MYO5B: variants seen among roughly 807,000 people sequenced by gnomAD.
MYO5B encodes the protein unconventional myosin-Vb.
Under a neutral mutation model 229.3 loss-of-function variants are expected in MYO5B, and 143 were observed. The ratio of observed to expected loss-of-function variants is 0.62; its 90% CI spans 0.54 to 0.72. MYO5B has a LOEUF of 0.72. Among genes scored for constraint, MYO5B ranks in the 30% least tolerant of loss-of-function variants. The pLI is 0.00. For missense variants in MYO5B, 2,321 were observed against 2,331.0 expected, an observed-to-expected ratio of 1.00 and a Z score of 0.09; for synonymous variants, 918 against 885.2, an observed-to-expected ratio of 1.04 and a Z score of -0.66.
intron 39 of MYO5B, among the ~76,000 whole-genome samples, chr18:49,829,205 A>G (rs1275131989): frequency 6.6e-6 from 1 of 151,978 alleles, no homozygotes; most frequent in Non-Finnish European, 1.5e-5. Context: ...CAGCCCCCCA[A>G]GTAGCTGGGA....
intron 18 of MYO5B, among the ~76,000 whole-genome samples, chr18:49,907,380 G>T (rs1280202994): frequency 1.3e-5 from 2 of 152,204 alleles, no homozygotes; most frequent in Non-Finnish European, 2.9e-5. Flanking sequence ...TTTTGGACCT[G>T]TAATTACTGT....
chr18:50,084,025 C>T (rs868260887), intron 1 of MYO5B, among the ~76,000 whole-genome samples: 15 of 152,152 alleles, frequency 9.9e-5, no homozygotes, highest in African/African-American at 3.6e-4. Context: ...CTCCCTGTGC[C>T]TCAGTTTATC....
chr18:50,028,067 G>A lies in MYO5B; in HGVS notation c.455+8783C>T, dbSNP rs548179692. ...AACACAAGAAAACTTTCAGGATTAA[G>A]GAAATGTTTGCTATCTTGATTGTGG... On this transcript the variant is annotated intron_variant, in intron 4 of 39. Coordinates refer to ENST00000285039, the MANE Select transcript of MYO5B (RefSeq NM_001080467.3). 2.0e-5 allele frequency among the ~76,000 whole-genome samples: 3 copies of A among 152,160 alleles called. No individual in the cohort carries two copies. The East Asian group carries it at 5.8e-4, about 29-fold the overall frequency.
rs1341011873 is a variant in MYO5B, at chr18:49,937,123, T to G, written c.1905+122A>C. 5.9e-6 allele frequency: 7 copies of G among 1,188,066 alleles called. No individual in the cohort carries two copies. In the East Asian group the frequency reaches 1.6e-4, roughly 28 times the overall value. 73.6% of individuals were successfully genotyped at this position (1,188,066 alleles called of 1,614,324 possible). On this transcript the variant is annotated intron_variant, in intron 15 of 39. Coordinates refer to ENST00000285039, the MANE Select transcript of MYO5B (RefSeq NM_001080467.3). ...AGGACACAAGATAGAGCTGGATGGC[T>G]GAGGCTACTGATGTCAAGGCTGCTG...
intron 4 of MYO5B, among the ~76,000 whole-genome samples, chr18:50,011,656 G>A (rs1028504105): frequency 2.0e-5 from 3 of 151,888 alleles, no homozygotes; most frequent in South Asian, 2.1e-4. Context: ...CAAGCTGGCT[G>A]TATTGCTTTG....
At chr18:49,837,457 C>T in intron 37 of MYO5B, 60 bp downstream of exon 37, 3 of 1,589,274 alleles carry the variant, frequency 1.9e-6, no homozygotes, top group Non-Finnish European at 2.6e-6. Context: ...TGTTCTGATT[C>T]TAGCTGCAGT....
At chr18:49,926,046 G>T (rs80317083) in intron 17 of MYO5B, among the ~76,000 whole-genome samples, 6,175 of 152,244 alleles carry the variant, frequency 0.041, 313 homozygotes, top group East Asian at 0.12. Context: ...GTCAAAAAAT[G>T]AGAGGCAGGC....
chr18:49,928,738 T>C (rs1183834497), intron 17 of MYO5B, among the ~76,000 whole-genome samples: 2 of 152,158 alleles, frequency 1.3e-5, no homozygotes, highest in Non-Finnish European at 1.5e-5. Flanking sequence ...GCCCAGTCAA[T>C]GAGTGGATAA....
chr18:50,027,900 C>T (rs2026348097), intron 4 of MYO5B, among the ~76,000 whole-genome samples: 1 of 152,118 alleles, frequency 6.6e-6, no homozygotes, highest in South Asian at 2.1e-4. Context: ...TAGAATCCTG[C>T]TCAGCATACC....
chr18:49,849,639 T>C lies in MYO5B; in HGVS notation c.4243A>G (p.Lys1415Glu). The C allele has an allele frequency of 1.2e-6, 2 of 1,613,886 alleles. No homozygotes were observed. Among genetic ancestry groups the C allele is most frequent in the Non-Finnish European group, 8.5e-7 (1 of 1,179,828 alleles). ...ENLDLKELVE[K>E]LEKNERKLKK... ...AGCTTCCTCTCATTCTTTTCCAGCT[T>C]TTCTACCAGTTCTTTAAGGTCCTGG... The change falls in exon 32 of 40, where the codon AAG becomes GAG. Residue 1415 changes from lysine (K) to glutamate (E), a missense_variant. Coordinates refer to ENST00000285039, the MANE Select transcript of MYO5B (RefSeq NM_001080467.3).
chr18:50,031,714 C>A (rs561623759), intron 4 of MYO5B, among the ~76,000 whole-genome samples: 1 of 152,328 alleles, frequency 6.6e-6, no homozygotes, highest in Non-Finnish European at 1.5e-5. Context: ...CAGGACCCAA[C>A]AGAGAAAAAT....
chr18:50,152,645 A>G (rs1164604353), intron 1 of MYO5B, among the ~76,000 whole-genome samples: 1 of 152,180 alleles, frequency 6.6e-6, no homozygotes, highest in Admixed American at 6.5e-5. Flanking sequence ...TAATCAATTC[A>G]TACAGCCACT....
chr18:50,026,991 T>C (rs1401247665), intron 4 of MYO5B, among the ~76,000 whole-genome samples: 1 of 152,184 alleles, frequency 6.6e-6, no homozygotes, highest in Admixed American at 6.5e-5. Flanking sequence ...CTTCCCAGCA[T>C]GTTCCTTTGC....
intron 28 of MYO5B, 83 bp downstream of exon 28, chr18:49,864,058 T>A: frequency 6.3e-7 from 1 of 1,574,986 alleles, no homozygotes; most frequent in East Asian, 2.3e-5. Context: ...TAGACCCTCG[T>A]GGGTAAAGAT....
At chr18:49,939,199 G>A (rs1326433069) in intron 14 of MYO5B, among the ~76,000 whole-genome samples, 2 of 139,352 alleles carry the variant, frequency 1.4e-5, no homozygotes, top group Admixed American at 7.8e-5. Context: ...AGGCTGGAGT[G>A]CAGTGGCGCA....
In MYO5B at chr18:50,033,050, TA is replaced by T. The variant is rs566475803; in HGVS notation, c.455+3799del. Among the ~76,000 whole-genome samples the T allele has an allele frequency of 1.6e-4, 24 of 152,238 alleles. No homozygotes were observed. In the South Asian group the frequency reaches 2.7e-3, roughly 17 times the overall value. ...ACCTAAGAATGGAATTGCTGGGTCATAGGGGGATTTTTGTTTTACTTTTCAA... is the reference window on the plus strand; with the variant it reads ...ACCTAAGAATGGAATTGCTGGGTCATGGGGGATTTTTGTTTTACTTTTCAA... On this transcript the variant is annotated intron_variant, in intron 4 of 39. Transcript: ENST00000285039.
chr18:49,877,331 GT>G (rs765751641), intron 25 of MYO5B, among the ~76,000 whole-genome samples: 4 of 152,156 alleles, frequency 2.6e-5, no homozygotes, highest in Non-Finnish European at 5.9e-5. Flanking sequence ...GTTGTTCTGA[GT>G]TTTATCCAGC....
intron 1 of MYO5B, among the ~76,000 whole-genome samples, chr18:50,187,864 G>A (rs1041587073): frequency 6.6e-6 from 1 of 152,104 alleles, no homozygotes; most frequent in Non-Finnish European, 1.5e-5. Context: ...AAAAAACTGA[G>A]CAACTGTCAC....
At chr18:49,912,392 A>G (rs2024968273) in intron 17 of MYO5B, among the ~76,000 whole-genome samples, 2 of 152,184 alleles carry the variant, frequency 1.3e-5, no homozygotes, top group African/African-American at 2.4e-5. Flanking sequence ...GAGGGCTGGA[A>G]AAAAGGTGAG....
Sources: allele counts gnomAD v4.1 joint callset (sites outside exome capture counted in the v4.1 genomes callset), GRCh38; gene constraint gnomAD v4.1.1; transcripts MANE v1.5; gene names NCBI Gene and HGNC (gene_info 2026-07-23, HGNC 2026-07-21).